SCFD2: variants seen among roughly 807,000 people sequenced by gnomAD.
The protein encoded by SCFD2 is sec1 family domain-containing protein 2.
A neutral mutation model predicts 58.9 loss-of-function variants in SCFD2; 54 were observed. The observed-to-expected ratio is 0.92, with a 90% confidence interval of 0.74 to 1.15. The LOEUF (loss-of-function observed/expected upper bound fraction) is 1.15. Among genes scored for constraint, SCFD2 ranks in the 50% most tolerant of loss-of-function variants. The probability of loss-of-function intolerance (pLI) is 0.00; values close to 1 mark genes in which losing one functional copy is unlikely to be tolerated. For synonymous variants in SCFD2, 321 were observed against 335.9 expected (o/e 0.96, Z 0.49); for missense variants, 805 against 836.6 (o/e 0.96, Z 0.47).
chr4:53,210,082 T>C (rs1028728830), intron 4 of SCFD2, among the ~76,000 whole-genome samples: 1 of 152,130 alleles, frequency 6.6e-6, no homozygotes, highest in Non-Finnish European at 1.5e-5. Context: ...GGTTCACTCA[T>C]TCTCAATGAA....
intron 7 of SCFD2, among the ~76,000 whole-genome samples, chr4:52,897,898 C>T (rs1442391701): frequency 9.9e-5 from 15 of 152,252 alleles, no homozygotes; most frequent in Non-Finnish European, 1.6e-4. Flanking sequence ...GTGTATGTGT[C>T]GAGGAATTTA....
intron 5 of SCFD2, among the ~76,000 whole-genome samples, chr4:53,074,918 C>A (rs545947566): frequency 1.3e-5 from 2 of 152,280 alleles, no homozygotes; most frequent in South Asian, 2.1e-4. Flanking sequence ...AAGTCACAAG[C>A]TGCATTAGCC....
At chr4:52,925,355 C>CATATATAT (rs35698588) in intron 5 of SCFD2, among the ~76,000 whole-genome samples, 41 of 142,924 alleles carry the variant, frequency 2.9e-4, no homozygotes, top group African/African-American at 1.1e-3. Flanking sequence ...TATATATATA[C>CATATATAT]ATATATATAT....
chr4:53,169,516 G>C (rs550478947), intron 4 of SCFD2, among the ~76,000 whole-genome samples: 1 of 152,170 alleles, frequency 6.6e-6, no homozygotes, highest in African/African-American at 2.4e-5. Flanking sequence ...ACATGAGAGT[G>C]CAGATATCTC....
At chr4:53,073,734 GA>G (rs202101304) in intron 5 of SCFD2, among the ~76,000 whole-genome samples, 1 of 90,332 alleles carries the variant, frequency 1.1e-5, no homozygotes. Flanking sequence ...TAAGTTGCAT[GA>G]ATTTTTTTTG....
chr4:53,188,813 C>T (rs138264253), intron 4 of SCFD2, among the ~76,000 whole-genome samples: 61 of 152,250 alleles, frequency 4.0e-4, no homozygotes, highest in African/African-American at 1.4e-3. Context: ...GGTCTAAGTA[C>T]ATAACTGTTT....
At chr4:52,974,597 AG>A (rs1313907206) in intron 5 of SCFD2, among the ~76,000 whole-genome samples, 1 of 152,214 alleles carries the variant, frequency 6.6e-6, no homozygotes, top group Non-Finnish European at 1.5e-5. Context: ...ATACTGCCCA[AG>A]GTAATTTATA....
chr4:53,154,804 A>G (rs1469202404), intron 4 of SCFD2, among the ~76,000 whole-genome samples: 1 of 151,908 alleles, frequency 6.6e-6, no homozygotes, highest in Non-Finnish European at 1.5e-5. Flanking sequence ...ATGAGTGCTT[A>G]AAAATAGAGG....
intron 3 of SCFD2, among the ~76,000 whole-genome samples, chr4:53,307,138 C>T (rs1414142774): frequency 3.3e-5 from 5 of 152,146 alleles, no homozygotes; most frequent in Non-Finnish European, 7.3e-5. Context: ...TATAGAGGGG[C>T]GGAGAGTGAT....
chr4:53,006,996 A>C (rs1560507861), intron 5 of SCFD2, among the ~76,000 whole-genome samples: 2 of 152,096 alleles, frequency 1.3e-5, no homozygotes, highest in East Asian at 3.9e-4. Flanking sequence ...AAAATGAAAT[A>C]TGGGCTGGGC....
At chr4:52,940,042 C>A (rs114515087) in intron 5 of SCFD2, among the ~76,000 whole-genome samples, 2,066 of 152,346 alleles carry the variant, frequency 0.014, 42 homozygotes, top group African/African-American at 0.044. Flanking sequence ...AGCTGGCACC[C>A]CCAACTCAGG....
chr4:53,235,708 C>G (rs1030186784), intron 4 of SCFD2, among the ~76,000 whole-genome samples: 14 of 152,142 alleles, frequency 9.2e-5, no homozygotes, highest in African/African-American at 3.4e-4. Flanking sequence ...TTGTCAAGAT[C>G]AAAGTTACCT....
intron 5 of SCFD2, among the ~76,000 whole-genome samples, chr4:53,104,153 A>T (rs1724918785): frequency 6.6e-6 from 1 of 152,134 alleles, no homozygotes; most frequent in African/African-American, 2.4e-5. Flanking sequence ...AGAGTTGAGT[A>T]TGAAAGCAGG....
At chr4:53,052,567 G>C (rs148024884) in intron 5 of SCFD2, among the ~76,000 whole-genome samples, 2 of 152,150 alleles carry the variant, frequency 1.3e-5, no homozygotes, top group Non-Finnish European at 2.9e-5. Context: ...AGATGTTTGC[G>C]ATCTTAAATT....
chr4:53,007,305 G>GGAGAGAGAGAGAGAGAGAGAGAGAGA (rs147645284), intron 5 of SCFD2, among the ~76,000 whole-genome samples: 20 of 66,082 alleles, frequency 3.0e-4, no homozygotes, highest in South Asian at 7.7e-4. Context: ...AGAGGGAGAG[G>GGAGAGAGAGAGAGAGAGAGAGAGAGA]GAGAGAGAGA....
At chr4:53,179,683 C>A (rs1200246143) in intron 4 of SCFD2, among the ~76,000 whole-genome samples, 1 of 152,096 alleles carries the variant, frequency 6.6e-6, no homozygotes, top group East Asian at 1.9e-4. Context: ...ACTAAATGCT[C>A]CAATTAAAAG....
chr4:53,032,266 C>T (rs1337382001), intron 5 of SCFD2, among the ~76,000 whole-genome samples: 3 of 152,276 alleles, frequency 2.0e-5, no homozygotes, highest in Admixed American at 2.0e-4. Flanking sequence ...ACCAGGCATG[C>T]CTTACAAGAG....
intron 5 of SCFD2, among the ~76,000 whole-genome samples, chr4:52,993,264 C>G (rs914383703): frequency 4.6e-5 from 7 of 151,736 alleles, no homozygotes; most frequent in South Asian, 2.1e-4. Flanking sequence ...TGCGGAAGGC[C>G]GCAGGGTCCT....
intron 5 of SCFD2, among the ~76,000 whole-genome samples, chr4:52,921,902 C>A (rs1046913800): frequency 6.6e-6 from 1 of 152,220 alleles, no homozygotes; most frequent in East Asian, 1.9e-4. Flanking sequence ...GGAGTCAACA[C>A]TCATAGAAAT....
Sources: gnomAD v4.1 joint callset for allele counts (sites outside exome capture counted in the v4.1 genomes callset) on GRCh38, gnomAD v4.1.1 for gene constraint, MANE v1.5 for transcripts, NCBI Gene and HGNC (gene_info 2026-07-23, HGNC 2026-07-21) for gene names.